The following PODXL variants were observed in gnomAD, a reference collection of about 807,000 sequenced individuals.
PODXL encodes podocalyxin.
In PODXL, 20 loss-of-function variants were observed where a neutral mutation model predicts 48.9. The observed-to-expected ratio is 0.41, with a 90% CI of 0.29 to 0.59. The LOEUF is 0.59. Ranked by LOEUF, PODXL falls within the 20% of genes least tolerant of loss-of-function variation. The probability of loss-of-function intolerance (pLI) is 0.31; values close to 1 mark genes in which losing one functional copy is unlikely to be tolerated. For missense variants in PODXL, 606 were observed against 675.1 expected (o/e 0.90, Z 1.13); for synonymous variants, 295 against 287.4 (o/e 1.03, Z -0.27).
At chr7:131,529,468 G>C (rs912895320) in intron 1 of PODXL, among the ~76,000 whole-genome samples, 2 of 152,096 alleles carry the variant, frequency 1.3e-5, no homozygotes, top group Non-Finnish European at 2.9e-5. Flanking sequence ...AGTGGGAAAG[G>C]AAACTGGAAA....
chr7:131,524,366 A>G (rs1271688297), intron 1 of PODXL, among the ~76,000 whole-genome samples: 5 of 107,476 alleles, frequency 4.7e-5, no homozygotes, highest in Admixed American at 1.9e-4. Flanking sequence ...ACACACGCAC[A>G]CACACACACA....
intron 8 of PODXL, among the ~76,000 whole-genome samples, chr7:131,505,051 G>T (rs1322793500): frequency 6.6e-6 from 1 of 152,130 alleles, no homozygotes; most frequent in South Asian, 2.1e-4. Context: ...TACACTGATG[G>T]ACTCAGAGAT....
At chr7:131,548,623 GT>G (rs1798620758) in intron 1 of PODXL, among the ~76,000 whole-genome samples, 1 of 152,218 alleles carries the variant, frequency 6.6e-6, no homozygotes, top group Admixed American at 6.5e-5. Context: ...CCCCTCTGAA[GT>G]TCTATGATAT....
chr7:131,508,050 C>T (rs528119926), intron 5 of PODXL, among the ~76,000 whole-genome samples: 1 of 152,326 alleles, frequency 6.6e-6, no homozygotes, highest in Non-Finnish European at 1.5e-5. Context: ...CGGGAGAGGG[C>T]AGCAGTGAGC....
rs1199220959 is a variant in PODXL, at chr7:131,528,136, T to C, written c.101-16703A>G. ...GTCTCAAACTCCTGACCTCAAGTGA[T>C]CTACCTGCCTCAGCCTCCCAAAGTG... is the stretch of plus-strand genomic sequence containing the variant. On this transcript the variant is annotated intron_variant, in intron 1 of 8. Transcript: ENST00000378555. Among the ~76,000 whole-genome samples the C allele has an allele frequency of 2.0e-5, 3 of 152,116 alleles. No individual in the cohort carries two copies. In the East Asian group the frequency reaches 5.8e-4, roughly 29 times the overall value.
chr7:131,529,564 C>T (rs1218089663), intron 1 of PODXL, among the ~76,000 whole-genome samples: 1 of 151,978 alleles, frequency 6.6e-6, no homozygotes, highest in Non-Finnish European at 1.5e-5. Flanking sequence ...ATCGACCTCT[C>T]CTTCCTTCTT....
chr7:131,514,259 C>T (rs986570134), intron 1 of PODXL, among the ~76,000 whole-genome samples: 3 of 152,098 alleles, frequency 2.0e-5, no homozygotes, highest in African/African-American at 4.8e-5. Flanking sequence ...ACTAAAAATA[C>T]AAAAATTAGC....
At chr7:131,525,359 C>T (rs538343461) in intron 1 of PODXL, among the ~76,000 whole-genome samples, 2 of 134,608 alleles carry the variant, frequency 1.5e-5, no homozygotes, top group East Asian at 2.3e-4. Flanking sequence ...GAGGCCGAGG[C>T]GGACAGATCA....
At chr7:131,547,318 A>T (rs1464409418) in intron 1 of PODXL, among the ~76,000 whole-genome samples, 1 of 134,586 alleles carries the variant, frequency 7.4e-6, no homozygotes, top group African/African-American at 2.8e-5. Flanking sequence ...GGTAGTGGTG[A>T]CCCAAGATTG....
intron 1 of PODXL, among the ~76,000 whole-genome samples, chr7:131,522,649 C>T (rs1054671255): frequency 4.3e-5 from 6 of 139,548 alleles, no homozygotes; most frequent in African/African-American, 7.7e-5. Context: ...CATAAACCTT[C>T]GCACTAAAGA....
At chr7:131,523,055 T>C (rs1798114184) in intron 1 of PODXL, among the ~76,000 whole-genome samples, 1 of 152,180 alleles carries the variant, frequency 6.6e-6, no homozygotes, top group Admixed American at 6.5e-5. Context: ...AGGATTGGAA[T>C]TGCTAGGTCA....
chr7:131,542,971 C>T (rs1333831675), intron 1 of PODXL, among the ~76,000 whole-genome samples: 2 of 152,166 alleles, frequency 1.3e-5, no homozygotes, highest in African/African-American at 4.8e-5. Flanking sequence ...TGATGCCACC[C>T]CTCGGGCTGG....
chr7:131,535,352 A>G (rs1301720319), intron 1 of PODXL, among the ~76,000 whole-genome samples: 1 of 152,162 alleles, frequency 6.6e-6, no homozygotes, highest in Non-Finnish European at 1.5e-5. Flanking sequence ...CGGTAAGTCA[A>G]TTGGACCACA....
intron 1 of PODXL, among the ~76,000 whole-genome samples, chr7:131,526,270 CA>C (rs1183714576): frequency 6.6e-6 from 1 of 151,986 alleles, no homozygotes; most frequent in African/African-American, 2.4e-5. Context: ...GAAAGAGGGT[CA>C]ACAGGAAAGA....
At chr7:131,538,226 T>C (rs1156984621) in intron 1 of PODXL, among the ~76,000 whole-genome samples, 2 of 152,146 alleles carry the variant, frequency 1.3e-5, no homozygotes, top group African/African-American at 2.4e-5. Context: ...AGGCTGTTTC[T>C]GTATGGGCTG....
rs1476554882 is a variant in PODXL, at chr7:131,510,891, T to C, written c.643A>G (p.Ser215Gly). ...GHDHLMKISS[S>G]SSTVAIPGYT... is the part of the protein sequence containing the mutation. ...CCAGGGATAGCCACAGTGCTTGAAC[T>C]GCTTGAAATTTTCATAAGATGGTCA... The change falls in exon 2 of 9, where the codon AGT becomes GGT. Residue 215 changes from serine to glycine, a missense_variant. By Grantham distance (56) the Ser-to-Gly change is moderately conservative. Coordinates refer to ENST00000378555, the MANE Select transcript of PODXL (RefSeq NM_001018111.3). 6.2e-7 allele frequency: 1 copy of C among 1,614,142 alleles called. No homozygotes were observed. Among genetic ancestry groups the C allele is most frequent in the East Asian group, 2.2e-5 (1 of 44,858 alleles).
chr7:131,544,194 C>T lies in PODXL; in HGVS notation c.100+12066G>A, dbSNP rs1016022837. On this transcript the variant is annotated intron_variant, in intron 1 of 8. Coordinates refer to ENST00000378555, the MANE Select transcript of PODXL (RefSeq NM_001018111.3). The stretch of plus-strand genomic sequence containing the variant: ...ACCCTGCTGGTTTTCTTCACTGTGC[C>T]TGCCACCAGCCCTGTGTACATGTGG... Among the ~76,000 whole-genome samples the T allele has an allele frequency of 4.6e-5, 7 of 152,314 alleles. No individual in the cohort carries two copies. In the South Asian group the frequency reaches 1.2e-3, roughly 27 times the overall value.
intron 1 of PODXL, among the ~76,000 whole-genome samples, chr7:131,548,009 A>G (rs1017269610): frequency 2.6e-5 from 4 of 152,234 alleles, no homozygotes; most frequent in Admixed American, 2.0e-4. Flanking sequence ...TACCCTGCCC[A>G]AGGCCCAGCT....
At chr7:131,538,678 C>T (rs1798423587) in intron 1 of PODXL, among the ~76,000 whole-genome samples, 2 of 152,240 alleles carry the variant, frequency 1.3e-5, no homozygotes, top group South Asian at 4.1e-4. Flanking sequence ...TGGGGCTCAG[C>T]CCACCCCTGC....
Sources: allele counts gnomAD v4.1 joint callset (sites outside exome capture counted in the v4.1 genomes callset), GRCh38; gene constraint gnomAD v4.1.1; transcripts MANE v1.5; gene names NCBI Gene and HGNC (gene_info 2026-07-23, HGNC 2026-07-21).